Variants in MLXIP observed in about 807,000 individuals in gnomAD.
The protein encoded by MLXIP is MLX interacting protein, also known as MLX-interacting protein.
A neutral mutation model predicts 87.2 loss-of-function variants in MLXIP; 30 were observed. The observed-to-expected ratio is 0.34, with a 90% CI of 0.26 to 0.47. MLXIP has a LOEUF of 0.47. MLXIP is among the 20% of genes least tolerant of loss of function. The probability of loss-of-function intolerance (pLI) is 1.00; values close to 1 mark genes in which losing one functional copy is unlikely to be tolerated. For synonymous variants in MLXIP, 530 were observed against 514.0 expected (o/e 1.03, Z -0.42); for missense variants, 1,002 against 1,240.1 (o/e 0.81, Z 2.88).
At chr12:122,089,569 G>C (rs1377806690) in intron 1 of MLXIP, among the ~76,000 whole-genome samples, 1 of 151,954 alleles carries the variant, frequency 6.6e-6, no homozygotes, top group Non-Finnish European at 1.5e-5. Context: ...ACAACTTTCT[G>C]TAAGTGTAAT....
At chr12:122,093,026 GTA>G (rs1952270806) in intron 1 of MLXIP, among the ~76,000 whole-genome samples, 2 of 141,500 alleles carry the variant, frequency 1.4e-5, no homozygotes, top group Non-Finnish European at 3.1e-5. Context: ...CTGTGTATAT[GTA>G]TGTGTGGTGT....
chr12:122,130,013 C>T lies in MLXIP; in HGVS notation c.811C>T (p.Leu271=), dbSNP rs1292947133. Residue 271 remains leucine, a synonymous_variant, in exon 6 of 17, where the codon CTG becomes TTG. Transcript: ENST00000319080. ...KTPVPMEEDP[L]LDTDMLMSEF... ...CCCCGTCCCCATGGAGGAGGATCCC[C>T]TGCTGGACACAGACATGCTCATGTC... 2 of 1,613,938 alleles carry T rather than the reference C, an allele frequency of 1.2e-6. No individual in the cohort carries two copies. The highest frequency in any genetic ancestry group is 1.7e-6 in the Non-Finnish European group (2 of 1,179,900).
At chr12:122,125,448 A>G (rs1267879244) in intron 1 of MLXIP, among the ~76,000 whole-genome samples, 2 of 152,188 alleles carry the variant, frequency 1.3e-5, no homozygotes, top group African/African-American at 2.4e-5. Context: ...CTAAACATGT[A>G]TGTGTGTGTG....
intron 1 of MLXIP, among the ~76,000 whole-genome samples, chr12:122,098,079 G>GCC (rs1248060921): frequency 5.3e-5 from 8 of 152,224 alleles, no homozygotes; most frequent in African/African-American, 1.4e-4. Context: ...AGCCAGCTGC[G>GCC]CTGCGCCTGA....
chr12:122,079,066 G>A lies in MLXIP; in HGVS notation c.213G>A (p.Pro71=). ...PRAGPGREEP[P]RRQQIIHSGH... ...CCGGGCCGGGCCGCGAGGAACCTCC[G>A]CGCCGCCAGCAGATCATCCACAGCG... The change falls in exon 1 of 17, where the codon CCG becomes CCA. Residue 71 remains proline (P), a synonymous_variant. Coordinates refer to ENST00000319080, the MANE Select transcript of MLXIP (RefSeq NM_014938.6). 1 of 1,517,052 alleles carries A rather than the reference G, an allele frequency of 6.6e-7. No individual in the cohort carries two copies. The highest frequency in any genetic ancestry group is 8.8e-7 in the Non-Finnish European group (1 of 1,134,132). The allele number at this position is 1,517,052 out of a possible 1,614,324, so 94.0% of individuals were successfully genotyped here. A position where few individuals can be genotyped will look rare whatever the true frequency, so the allele number is the denominator to read the frequency against.
intron 1 of MLXIP, among the ~76,000 whole-genome samples, chr12:122,095,129 ATG>A (rs1228548687): frequency 3.7e-5 from 4 of 109,212 alleles, no homozygotes; most frequent in African/African-American, 7.3e-5. Flanking sequence ...GGGTGTGGGT[ATG>A]TGTGTGGTGT....
intron 1 of MLXIP, among the ~76,000 whole-genome samples, chr12:122,122,860 CTTTTT>C (rs60568039): frequency 2.1e-5 from 3 of 142,392 alleles, no homozygotes; most frequent in African/African-American, 7.8e-5. Flanking sequence ...TTTTCTTTTT[CTTTTT>C]TTTTTTTTAA....
At chr12:122,110,411 G>T (rs550590463) in intron 1 of MLXIP, among the ~76,000 whole-genome samples, 1 of 152,020 alleles carries the variant, frequency 6.6e-6, no homozygotes, top group South Asian at 2.1e-4. Context: ...CCTCAGCCTC[G>T]TGAGTAGCTG....
intron 1 of MLXIP, among the ~76,000 whole-genome samples, chr12:122,093,281 T>C (rs1952276987): frequency 6.8e-6 from 1 of 147,210 alleles, no homozygotes; most frequent in Admixed American, 6.8e-5. Context: ...TGTGCATTTG[T>C]GCTGTCTGTA....
At chr12:122,112,939 G>A (rs1254418886) in intron 1 of MLXIP, among the ~76,000 whole-genome samples, 2 of 151,232 alleles carry the variant, frequency 1.3e-5, no homozygotes, top group East Asian at 3.9e-4. Flanking sequence ...GCTAGGAAAA[G>A]CCTTGTTAAG....
At chr12:122,120,322 G>C (rs991214001) in intron 1 of MLXIP, among the ~76,000 whole-genome samples, 1 of 151,822 alleles carries the variant, frequency 6.6e-6, no homozygotes, top group African/African-American at 2.4e-5. Flanking sequence ...TCCTGGGCTC[G>C]AGCAATCCTC....
chr12:122,129,544 CTAGGGCCATTG>C, intron 4 of MLXIP, 33 bp from the exon 5 acceptor site: 1 of 1,607,786 alleles, frequency 6.2e-7, no homozygotes, highest in Non-Finnish European at 8.5e-7. Context: ...TTGGGCCCTC[CTAGGGCCATTG>C]GTGACCGCCG....
chr12:122,115,651 A>G (rs1054866461), intron 1 of MLXIP, among the ~76,000 whole-genome samples: 1 of 151,952 alleles, frequency 6.6e-6, no homozygotes, highest in Non-Finnish European at 1.5e-5. Context: ...CATTCAAAAG[A>G]CATGCCATAA....
chr12:122,135,155 C>T lies in MLXIP; in HGVS notation c.1733-69C>T. 1 of 1,573,062 alleles carries T rather than the reference C, an allele frequency of 6.4e-7. No homozygotes were observed. The highest frequency in any genetic ancestry group is 1.1e-5 in the South Asian group (1 of 86,980). ...ACAAGCTGTCTCACTGGCAGAGAGG[C>T]AGCCTCTGCAGGGTGGGCCAGGCCC... On this transcript the variant is annotated intron_variant, in intron 9 of 16. Coordinates refer to ENST00000319080, the MANE Select transcript of MLXIP (RefSeq NM_014938.6). This position sits in a 1 kb window ranked among gnomAD's most constrained non-coding sequence, Gnocchi z 5.3.
chr12:122,134,208 T>TC (rs1953040334), intron 9 of MLXIP: 10 of 626,412 alleles, frequency 1.6e-5, no homozygotes, highest in Non-Finnish European at 2.0e-5. Flanking sequence ...TTGTTTGGTT[T>TC]TTTTTTTTTT....
At chr12:122,084,608 G>A (rs576926182) in intron 1 of MLXIP, among the ~76,000 whole-genome samples, 23 of 152,110 alleles carry the variant, frequency 1.5e-4, no homozygotes, top group Non-Finnish European at 2.2e-4. Flanking sequence ...GTGCAGTGGC[G>A]TGATCTTGGC....
chr12:122,129,732 C>T, intron 5 of MLXIP, 103 bp downstream of exon 5: 1 of 1,452,998 alleles, frequency 6.9e-7, no homozygotes, highest in Non-Finnish European at 9.5e-7. Context: ...GGCCATGGGC[C>T]CTCCCTGGAG....
rs934040140 is a variant in MLXIP at position 122,137,852 on chromosome 12, C to T, written c.2154+262C>T. ...AGTGTGCAGGTACTGCTCAGGCTGCCCGCATCAGTTGCAGGAGGGGTGTGG... is the reference window on the plus strand; with the variant it reads ...AGTGTGCAGGTACTGCTCAGGCTGCTCGCATCAGTTGCAGGAGGGGTGTGG... On this transcript the variant is annotated intron_variant, in intron 12 of 16. Transcript: ENST00000319080. This position sits in a 1 kb window ranked among gnomAD's most constrained non-coding sequence, Gnocchi z 4.1. 7.2e-5 allele frequency among the ~76,000 whole-genome samples: 11 copies of T among 152,224 alleles called. No homozygotes were observed. The highest frequency in any genetic ancestry group is 5.2e-4 in the Admixed American group (8 of 15,282).
intron 1 of MLXIP, among the ~76,000 whole-genome samples, chr12:122,110,550 G>A (rs1162269675): frequency 6.6e-6 from 1 of 151,922 alleles, no homozygotes; most frequent in Non-Finnish European, 1.5e-5. Context: ...GCCTCCTAAA[G>A]TGCTGGGATT....
Sources: allele counts gnomAD v4.1 joint callset (sites outside exome capture counted in the v4.1 genomes callset), GRCh38; gene constraint gnomAD v4.1.1; non-coding constraint Gnocchi (gnomAD v3.1); transcripts MANE v1.5; gene names NCBI Gene and HGNC (gene_info 2026-07-23, HGNC 2026-07-21).